Variants in WWOX observed in about 807,000 individuals in gnomAD.
WWOX encodes WW domain containing oxidoreductase.
Under a neutral mutation model 46.2 loss-of-function variants are expected in WWOX, and 69 were observed. The observed-to-expected ratio is 1.49, with a 90% CI of 1.23 to 1.82. The LOEUF is 1.82. Among genes scored for constraint, WWOX ranks in the 40% most tolerant of loss-of-function variants. The probability of loss-of-function intolerance (pLI) is 0.00; values close to 1 mark genes in which losing one functional copy is unlikely to be tolerated. For synonymous variants in WWOX, 359 were observed against 202.6 expected (o/e 1.77, Z -6.56); for missense variants, 919 against 542.6 (o/e 1.69, Z -6.89).
chr16:78,527,797 C>T lies in WWOX; in HGVS notation c.1056+95045C>T, dbSNP rs1456292494. ...AATATCTGGAGACATCTGGGGTTGT[C>T]AGTTCAGGAGGGTAGAGGATAGGGG... On this transcript the variant is annotated intron_variant, in intron 8 of 8. Transcript: ENST00000566780. 4.0e-5 allele frequency among the ~76,000 whole-genome samples: 6 copies of T among 150,902 alleles called. No homozygotes were observed. In the East Asian group the frequency reaches 9.8e-4, roughly 25 times the overall value.
At chr16:78,118,475 C>T (rs1054292137) in intron 4 of WWOX, among the ~76,000 whole-genome samples, 4 of 152,156 alleles carry the variant, frequency 2.6e-5, no homozygotes, top group African/African-American at 4.8e-5. Context: ...CATCTCTGGG[C>T]TAACTCTGAC....
chr16:78,527,698 C>T (rs992413927), intron 8 of WWOX, among the ~76,000 whole-genome samples: 3 of 152,166 alleles, frequency 2.0e-5, no homozygotes, highest in Non-Finnish European at 4.4e-5. Context: ...TATGTTGTTA[C>T]ATTTAATCTT....
chr16:78,759,408 T>C (rs2142482492), intron 8 of WWOX, among the ~76,000 whole-genome samples: 1 of 152,318 alleles, frequency 6.6e-6, no homozygotes. Flanking sequence ...TTTTCTTCTC[T>C]CACTGCTGCT....
intron 8 of WWOX, among the ~76,000 whole-genome samples, chr16:78,618,625 C>G (rs1384086868): frequency 3.3e-5 from 5 of 152,132 alleles, no homozygotes; most frequent in Non-Finnish European, 1.5e-5. Context: ...CATACAAAGT[C>G]TGGGACACAG....
chr16:78,452,991 CCT>C (rs2083728874), intron 8 of WWOX, among the ~76,000 whole-genome samples: 3 of 151,632 alleles, frequency 2.0e-5, no homozygotes, highest in Admixed American at 2.0e-4. Context: ...AAGTGATCCT[CCT>C]CTCTCAGCCT....
intron 8 of WWOX, among the ~76,000 whole-genome samples, chr16:78,965,699 G>C (rs1228478823): frequency 6.6e-6 from 1 of 151,648 alleles, no homozygotes; most frequent in South Asian, 2.1e-4. Context: ...TCATTTTTTT[G>C]TGTTGGCTTT....
chr16:78,973,761 A>G (rs771962813), intron 8 of WWOX, among the ~76,000 whole-genome samples: 4 of 152,200 alleles, frequency 2.6e-5, no homozygotes, highest in Non-Finnish European at 5.9e-5. Flanking sequence ...ATTTCTGGGT[A>G]TTTTTAATGA....
intron 8 of WWOX, among the ~76,000 whole-genome samples, chr16:78,908,049 G>A (rs7194627): frequency 9.9e-5 from 15 of 152,124 alleles, no homozygotes; most frequent in African/African-American, 3.4e-4. Flanking sequence ...CATACTAACC[G>A]TATGAAAGTT....
At chr16:79,074,597 C>G (rs1182890114) in intron 8 of WWOX, among the ~76,000 whole-genome samples, 1 of 151,498 alleles carries the variant, frequency 6.6e-6, no homozygotes, top group Non-Finnish European at 1.5e-5. Context: ...TAAGTATCTC[C>G]CTTTATAAGC....
At chr16:78,928,727 T>C (rs528341670) in intron 8 of WWOX, among the ~76,000 whole-genome samples, 5 of 152,312 alleles carry the variant, frequency 3.3e-5, no homozygotes, top group Non-Finnish European at 7.4e-5. Context: ...TCATCAACAC[T>C]TTTATGGACC....
At chr16:78,273,467 A>G (rs528148255) in intron 5 of WWOX, among the ~76,000 whole-genome samples, 1 of 152,268 alleles carries the variant, frequency 6.6e-6, no homozygotes, top group South Asian at 2.1e-4. Flanking sequence ...GAACTCATTC[A>G]CTCAATAAAC....
intron 8 of WWOX, among the ~76,000 whole-genome samples, chr16:79,118,815 C>G (rs1276313084): frequency 1.3e-5 from 2 of 152,166 alleles, no homozygotes; most frequent in African/African-American, 4.8e-5. Context: ...TTTTCCCTGT[C>G]TTTATACATT....
intron 6 of WWOX, among the ~76,000 whole-genome samples, chr16:78,389,060 G>C (rs893728336): frequency 6.6e-6 from 1 of 152,228 alleles, no homozygotes; most frequent in East Asian, 1.9e-4. Context: ...GTCTTAGTGA[G>C]AGTTGCAACA....
At chr16:78,475,593 A>G (rs1295025516) in intron 8 of WWOX, among the ~76,000 whole-genome samples, 3 of 152,030 alleles carry the variant, frequency 2.0e-5, no homozygotes, top group Admixed American at 2.0e-4. Flanking sequence ...TTTTTAGTTT[A>G]TATTTTTATT....
At chr16:78,825,971 C>A in intron 8 of WWOX, 1 of 785,776 alleles carries the variant, frequency 1.3e-6, no homozygotes, top group Non-Finnish European at 2.0e-6. Context: ...GAAGCCAGAG[C>A]CGCCTGCTAT....
intron 8 of WWOX, among the ~76,000 whole-genome samples, chr16:78,690,009 C>T (rs879386660): frequency 2.0e-4 from 30 of 152,006 alleles, no homozygotes; most frequent in East Asian, 9.7e-4. Flanking sequence ...TACAGGTGCC[C>T]GCCCCCATGC....
rs979158555 is a variant in WWOX, at chr16:78,108,368, C to G, written c.108-55C>G. The G allele has an allele frequency of 2.6e-6, 4 of 1,556,900 alleles. No individual in the cohort carries two copies. The African/African-American group carries it at 4.1e-5, about 16-fold the overall frequency. On this transcript the variant is annotated intron_variant, in intron 1 of 8. Transcript: ENST00000566780. ...AGAAAAAATTTAATACAATTGATTA[C>G]TTTTTAGAAGAGTTAATTTTTACTT... is the stretch of plus-strand genomic sequence containing the variant.
At chr16:79,121,519 A>T (rs555243718) in intron 8 of WWOX, among the ~76,000 whole-genome samples, 57 of 152,268 alleles carry the variant, frequency 3.7e-4, no homozygotes, top group African/African-American at 1.3e-3. Context: ...TGGGATGGGT[A>T]CATAGACACT....
At chr16:78,112,724 G>A (rs1468934573) in intron 3 of WWOX, among the ~76,000 whole-genome samples, 1 of 143,704 alleles carries the variant, frequency 7.0e-6, no homozygotes, top group South Asian at 2.2e-4. Context: ...TTTATACTGG[G>A]TCTTGCTCTT....
Sources: gnomAD v4.1 joint callset for allele counts (sites outside exome capture counted in the v4.1 genomes callset) on GRCh38, gnomAD v4.1.1 for gene constraint, MANE v1.5 for transcripts, NCBI Gene and HGNC (gene_info 2026-07-23, HGNC 2026-07-21) for gene names.